Variants in LRRC27 observed in about 807,000 individuals in gnomAD.
LRRC27 encodes the protein leucine-rich repeat-containing protein 27.
A neutral mutation model predicts 55.0 loss-of-function variants in LRRC27; 57 were observed. The observed-to-expected ratio is 1.04, with a 90% confidence interval of 0.84 to 1.29. LRRC27 has a LOEUF of 1.29. Among genes scored for constraint, LRRC27 ranks in the 50% most tolerant of loss-of-function variants. The probability of loss-of-function intolerance (pLI) is 0.00; values close to 1 mark genes in which losing one functional copy is unlikely to be tolerated. For missense variants in LRRC27, 721 were observed against 651.5 expected, an observed-to-expected ratio of 1.11 and a Z score of -1.16; for synonymous variants, 278 against 251.9, an observed-to-expected ratio of 1.10 and a Z score of -0.98.
intron 2 of LRRC27, chr10:132,335,003 A>T (rs1368007703): frequency 6.6e-6 from 1 of 152,222 alleles, no homozygotes; most frequent in African/African-American, 2.4e-5. Flanking sequence ...CATAAACAGC[A>T]CTTCCAGAGA....
chr10:132,358,279 G>A (rs1416822907), intron 8 of LRRC27, among the ~76,000 whole-genome samples: 3 of 152,144 alleles, frequency 2.0e-5, no homozygotes, highest in Admixed American at 6.5e-5. Flanking sequence ...CTGTGTGGTC[G>A]GCAGGAAGGA....
intron 10 of LRRC27, among the ~76,000 whole-genome samples, chr10:132,367,556 C>T (rs2069126917): frequency 6.6e-6 from 1 of 152,162 alleles, no homozygotes; most frequent in Non-Finnish European, 1.5e-5. Flanking sequence ...CCTAATTCAA[C>T]GTTCAAAAAT....
chr10:132,343,377 C>G (rs956925192), intron 4 of LRRC27, among the ~76,000 whole-genome samples: 1 of 152,154 alleles, frequency 6.6e-6, no homozygotes, highest in African/African-American at 2.4e-5. Context: ...TTAAATTGTG[C>G]CTTTGTAAAT....
At chr10:132,339,685 G>A (rs74789519) in intron 3 of LRRC27, among the ~76,000 whole-genome samples, 15 of 152,114 alleles carry the variant, frequency 9.9e-5, no homozygotes, top group East Asian at 1.9e-4. Context: ...TTCTTCACAC[G>A]ATCATCATCT....
At position 132,370,684 on chromosome 10, in the gene LRRC27, C is replaced by T. The variant is rs571387398; in HGVS notation, c.1417-4382C>T. ...GGCAGGCTCCGTGCCGCCTGATGGC[C>T]GCATGTTTAGGAAACGATCTTAATT... is the stretch of plus-strand genomic sequence containing the variant. On this transcript the variant is annotated intron_variant, in intron 10 of 10. Coordinates refer to ENST00000368614, the MANE Select transcript of LRRC27 (RefSeq NM_030626.3). Among the ~76,000 whole-genome samples, 31 of 152,272 alleles carry T rather than the reference C, an allele frequency of 2.0e-4. No individual in the cohort carries two copies. The South Asian group carries it at 5.0e-3, about 24-fold the overall frequency.
At chr10:132,364,461 C>T (rs1590717646) in intron 9 of LRRC27, among the ~76,000 whole-genome samples, 1 of 67,218 alleles carries the variant, frequency 1.5e-5, no homozygotes, top group African/African-American at 5.9e-5. Context: ...ACACTCACAC[C>T]CACCCACACT....
chr10:132,369,417 G>A (rs7079070), intron 10 of LRRC27, among the ~76,000 whole-genome samples: 76,993 of 152,018 alleles, frequency 0.51, 21,459 homozygotes, highest in African/African-American at 0.74. Context: ...ATAGTGGAAC[G>A]TTGCTTAGCA....
chr10:132,354,022 G>C (rs1030225289), intron 7 of LRRC27, among the ~76,000 whole-genome samples: 2 of 152,190 alleles, frequency 1.3e-5, no homozygotes, highest in Admixed American at 1.3e-4. Flanking sequence ...GCCCTGCCAG[G>C]AGGCTGCCTG....
intron 10 of LRRC27, 52 bp downstream of exon 10, chr10:132,365,602 T>C (rs2069040591): frequency 6.3e-7 from 1 of 1,582,304 alleles, no homozygotes; most frequent in African/African-American, 1.4e-5. Context: ...TTTTGTTTTG[T>C]TTTGTTTTTG....
chr10:132,353,001 T>G (rs373555176), intron 7 of LRRC27: 2 of 1,609,876 alleles, frequency 1.2e-6, no homozygotes, highest in Middle Eastern at 1.7e-4. Flanking sequence ...TGTTGGCCGA[T>G]GGACTCGGTG....
chr10:132,337,475 G>T (rs1304227549), intron 2 of LRRC27, 90 bp from the exon 3 acceptor site: 12 of 1,544,008 alleles, frequency 7.8e-6, no homozygotes, highest in African/African-American at 1.4e-5. Context: ...CTGGTTGTTA[G>T]TAGTTCTTTT....
intron 3 of LRRC27, 75 bp downstream of exon 3, chr10:132,337,770 C>A: frequency 6.6e-7 from 1 of 1,525,692 alleles, no homozygotes; most frequent in Non-Finnish European, 8.9e-7. Flanking sequence ...GCTCCTTGTC[C>A]TTTACTCTTG....
intron 7 of LRRC27, chr10:132,352,918 C>A (rs765021383): frequency 4.3e-6 from 7 of 1,613,872 alleles, no homozygotes; most frequent in Non-Finnish European, 5.1e-6. Flanking sequence ...TATTCCAGGC[C>A]CTGACACGGT....
rs138322337 is a variant in LRRC27 at position 132,363,739 on chromosome 10, G to C, written c.1290-1685G>C. Among the ~76,000 whole-genome samples the C allele has an allele frequency of 2.0e-5, 3 of 152,182 alleles. No individual in the cohort carries two copies. The South Asian group carries it at 6.2e-4, about 31-fold the overall frequency. ...GCCCCGGCCCTGCTGCTCAGCGTAC[G>C]TCTGCCAGGGGGCTCCCCACTCAGT... is the stretch of plus-strand genomic sequence containing the variant. On this transcript the variant is annotated intron_variant, in intron 9 of 10. Coordinates refer to ENST00000368614, the MANE Select transcript of LRRC27 (RefSeq NM_030626.3).
intron 9 of LRRC27, 35 bp from the exon 10 acceptor site, chr10:132,365,389 T>C (rs2069022181): frequency 8.7e-6 from 14 of 1,611,328 alleles, no homozygotes; most frequent in Non-Finnish European, 1.2e-5. Context: ...AGTAAATGTG[T>C]CAAGTCATTT....
rs188416465 is a variant in LRRC27 at position 132,360,280 on chromosome 10, A to G, written c.1171-1177A>G. Among the ~76,000 whole-genome samples the G allele has an allele frequency of 6.6e-5, 10 of 152,306 alleles. No homozygotes were observed. The East Asian group carries it at 1.9e-3, about 29-fold the overall frequency. The stretch of plus-strand genomic sequence containing the variant: ...CTGGCTAATTTTTTGTGTTTTTAGT[A>G]GAGACAGGTTTCGCCATGTTGGCCA... On this transcript the variant is annotated intron_variant, in intron 8 of 10. Transcript: ENST00000368614.
chr10:132,377,136 T>C lies in LRRC27; in HGVS notation c.*1894T>C, dbSNP rs1290795165. The C allele has an allele frequency of 6.6e-6, 1 of 152,160 alleles. No homozygotes were observed. The highest frequency in any genetic ancestry group is 1.5e-5 in the Non-Finnish European group (1 of 68,020). 9.4% of individuals were successfully genotyped at this position (152,160 alleles called of 1,614,324 possible). On this transcript the variant is annotated 3_prime_UTR_variant, in exon 11 of 11. Coordinates refer to ENST00000368614, the MANE Select transcript of LRRC27 (RefSeq NM_030626.3). ...TTCATAATGCATCTTCTTCCCTCCT[T>C]CTACTGTACTGGATTTAAAGCGCAC... is the stretch of plus-strand genomic sequence containing the variant.
intron 3 of LRRC27, 101 bp from the exon 4 acceptor site, chr10:132,342,112 C>A: frequency 1.4e-6 from 1 of 704,334 alleles, no homozygotes; most frequent in Non-Finnish European, 2.3e-6. Context: ...ATTGAAGTTG[C>A]CCCTGAAAGA....
intron 6 of LRRC27, among the ~76,000 whole-genome samples, chr10:132,349,745 CAG>C (rs1420631351): frequency 3.3e-5 from 5 of 152,188 alleles, no homozygotes; most frequent in African/African-American, 1.2e-4. Flanking sequence ...GAAGTTGGAG[CAG>C]AGAACTGGAG....
Sources: allele counts gnomAD v4.1 joint callset (sites outside exome capture counted in the v4.1 genomes callset), GRCh38; gene constraint gnomAD v4.1.1; transcripts MANE v1.5; gene names NCBI Gene and HGNC (gene_info 2026-07-23, HGNC 2026-07-21).